Variants in SUMF1 observed in about 807,000 individuals in gnomAD.
SUMF1 encodes the protein sulfatase modifying factor 1.
A neutral mutation model predicts 47.6 loss-of-function variants in SUMF1; 48 were observed. That is an observed-to-expected ratio of 1.01 (90% CI 0.80 to 1.28). The LOEUF (loss-of-function observed/expected upper bound fraction) is 1.28, where lower values mean the gene tolerates loss of function less well. SUMF1 is among the 50% of genes most tolerant of loss of function. The probability of loss-of-function intolerance (pLI) is 0.00; values close to 1 mark genes in which losing one functional copy is unlikely to be tolerated. For missense variants in SUMF1, 571 were observed against 485.4 expected, an observed-to-expected ratio of 1.18 and a Z score of -1.66; for synonymous variants, 230 against 192.1, an observed-to-expected ratio of 1.20 and a Z score of -1.63.
chr3:4,293,002 A>G (rs1043841600), intron 8 of SUMF1, among the ~76,000 whole-genome samples: 3 of 150,154 alleles, frequency 2.0e-5, no homozygotes, highest in Non-Finnish European at 4.4e-5. Flanking sequence ...CCAGAGCTCA[A>G]ACTAACAAAG....
At chr3:4,236,482 G>A (rs750777566) in intron 8 of SUMF1, among the ~76,000 whole-genome samples, 3 of 152,048 alleles carry the variant, frequency 2.0e-5, no homozygotes, top group South Asian at 2.1e-4. Context: ...AGCCAGGCTC[G>A]CAGGCACCTG....
chr3:4,172,712 GTTT>G (rs999770101), intron 8 of SUMF1, among the ~76,000 whole-genome samples: 3 of 151,822 alleles, frequency 2.0e-5, no homozygotes, highest in African/African-American at 7.3e-5. Context: ...GTTTTTTGGG[GTTT>G]TTTCTTGTAA....
At chr3:4,041,622 G>C (rs1396537208) in intron 9 of SUMF1, among the ~76,000 whole-genome samples, 1 of 152,090 alleles carries the variant, frequency 6.6e-6, no homozygotes, top group Non-Finnish European at 1.5e-5. Context: ...CAAGTTGGGG[G>C]GAAGAAAACT....
rs57089132 is a variant in SUMF1 at position 4,109,420 on chromosome 3, G to C, written c.1015-40675C>G. ...TATGTGTCTTGGAGTTGCTCTTCTC[G>C]AGGAGTATCTTTGTGGCGTTCTCTG... is the stretch of plus-strand genomic sequence containing the variant. On this transcript the variant is annotated intron_variant and NMD_transcript_variant, in intron 8 of 12. Transcript: ENST00000448413. 7.7e-3 allele frequency among the ~76,000 whole-genome samples: 1,178 copies of C among 152,058 alleles called. 31 individuals are homozygous for C. The highest frequency in any genetic ancestry group is 0.027 in the African/African-American group (1,121 of 41,434).
chr3:4,122,535 A>G (rs535957119), intron 8 of SUMF1, among the ~76,000 whole-genome samples: 1 of 152,288 alleles, frequency 6.6e-6, no homozygotes, highest in African/African-American at 2.4e-5. Context: ...TGTTGACTTT[A>G]AAATGGTTAA....
At chr3:4,060,748 G>A (rs555778654) in intron 9 of SUMF1, among the ~76,000 whole-genome samples, 1 of 152,308 alleles carries the variant, frequency 6.6e-6, no homozygotes, top group South Asian at 2.1e-4. Flanking sequence ...AACTGCAAAT[G>A]AGGGACTACG....
chr3:4,260,167 T>G (rs752773720), intron 8 of SUMF1, among the ~76,000 whole-genome samples: 2 of 152,008 alleles, frequency 1.3e-5, no homozygotes, highest in Non-Finnish European at 2.9e-5. Flanking sequence ...AGGGCTGAAG[T>G]CATAAAGGGA....
chr3:4,312,000 TA>T (rs1698424257), intron 8 of SUMF1, among the ~76,000 whole-genome samples: 1 of 152,216 alleles, frequency 6.6e-6, no homozygotes, highest in Non-Finnish European at 1.5e-5. Context: ...TCTTTTTATA[TA>T]ACATTTTACA....
At chr3:4,210,829 G>A (rs1695763219) in intron 8 of SUMF1, among the ~76,000 whole-genome samples, 1 of 151,872 alleles carries the variant, frequency 6.6e-6, no homozygotes, top group East Asian at 1.9e-4. Flanking sequence ...TCGCTGGGCT[G>A]GGAAAGGCAG....
chr3:4,303,613 A>T lies in SUMF1; in HGVS notation c.1014+72717T>A, dbSNP rs559489150. The T allele has an allele frequency of 1.1e-3, 1,531 of 1,377,484 alleles. 10 individuals are homozygous for T. Among genetic ancestry groups the T allele is most frequent in the Middle Eastern group, 7.8e-3 (29 of 3,700 alleles). The allele number at this position is 1,377,484 out of a possible 1,614,324, so 85.3% of individuals were successfully genotyped here. On this transcript the variant is annotated intron_variant and NMD_transcript_variant, in intron 8 of 12. Transcript: ENST00000448413. ...AGCCGCCTCGCTGGGACGGCCTCCC[A>T]GTCGCGACCTTTTGTCTTCTCTTAC...
chr3:4,362,586 T>C (rs1377938623), intron 8 of SUMF1, among the ~76,000 whole-genome samples: 1 of 152,218 alleles, frequency 6.6e-6, no homozygotes, highest in East Asian at 1.9e-4. Context: ...GAAAGTCATG[T>C]CTTTACATAG....
chr3:4,108,889 CTG>C (rs1431179300), intron 8 of SUMF1, among the ~76,000 whole-genome samples: 3 of 152,040 alleles, frequency 2.0e-5, no homozygotes, highest in Non-Finnish European at 2.9e-5. Context: ...ATTTGCCAGT[CTG>C]TGTCTTTTAA....
intron 8 of SUMF1, among the ~76,000 whole-genome samples, chr3:4,342,436 G>A (rs1230313571): frequency 1.3e-5 from 2 of 152,186 alleles, no homozygotes; most frequent in African/African-American, 4.8e-5. Flanking sequence ...GGGAGGCTGA[G>A]GCATAAGAAT....
intron 8 of SUMF1, among the ~76,000 whole-genome samples, chr3:4,141,822 A>T (rs1445046534): frequency 6.6e-6 from 1 of 152,136 alleles, no homozygotes; most frequent in Non-Finnish European, 1.5e-5. Context: ...ATCCATAGGG[A>T]ACTTTTGAAA....
chr3:4,283,412 G>A (rs17040333), intron 8 of SUMF1, among the ~76,000 whole-genome samples: 2,230 of 152,182 alleles, frequency 0.015, 64 homozygotes, highest in African/African-American at 0.051. Flanking sequence ...ATATTAATAC[G>A]TTCTCCAACC....
chr3:4,299,766 C>T (rs147074228), intron 8 of SUMF1, among the ~76,000 whole-genome samples: 25 of 152,174 alleles, frequency 1.6e-4, no homozygotes, highest in Non-Finnish European at 2.8e-4. Flanking sequence ...GCCAGGATGG[C>T]GCCACTGCAC....
At chr3:4,410,796 C>A in intron 7 of SUMF1, 69 bp downstream of exon 7, 2 of 1,385,378 alleles carry the variant, frequency 1.4e-6, no homozygotes, top group Non-Finnish European at 2.1e-6. Flanking sequence ...CACATGACAG[C>A]CTGGCTGCAG....
intron 3 of SUMF1, among the ~76,000 whole-genome samples, chr3:4,440,743 CCT>C (rs1405717111): frequency 6.6e-6 from 1 of 152,200 alleles, no homozygotes; most frequent in Non-Finnish European, 1.5e-5. Context: ...ATAGCCTACT[CCT>C]CTCATTTGTC....
intron 8 of SUMF1, among the ~76,000 whole-genome samples, chr3:4,372,105 C>T (rs781599931): frequency 1.5e-4 from 23 of 152,136 alleles, no homozygotes; most frequent in Non-Finnish European, 3.4e-4. Flanking sequence ...GTCAGGAGTT[C>T]GAGACCAGCC....
Sources: gnomAD v4.1 joint callset for allele counts (sites outside exome capture counted in the v4.1 genomes callset) on GRCh38, gnomAD v4.1.1 for gene constraint, MANE v1.5 for transcripts, NCBI Gene and HGNC (gene_info 2026-07-23, HGNC 2026-07-21) for gene names.